ARHGAP10: variants seen among roughly 807,000 people sequenced by gnomAD.
The protein encoded by ARHGAP10 is Rho GTPase activating protein 10.
ARHGAP10 carries 87 observed loss-of-function variants against 108.6 expected under a neutral mutation model. The observed-to-expected ratio is 0.80, with a 90% CI of 0.67 to 0.96. The LOEUF is 0.96. ARHGAP10 is among the 40% of genes least tolerant of loss of function. The pLI is 0.00. For synonymous variants in ARHGAP10, 347 were observed against 341.1 expected, an observed-to-expected ratio of 1.02 and a Z score of -0.19; for missense variants, 939 against 954.5, an observed-to-expected ratio of 0.98 and a Z score of 0.21.
In ARHGAP10 at chr4:147,966,687, A is replaced by G. The variant is rs1260391035; in HGVS notation, c.1564A>G (p.Asn522Asp). ...CCCCCTTACCAATTTCAGTGTTTCA[A>G]ATCACTCCAAGCAGAACCTGATGAC... ...ILVKHLTNVS[N>D]HSKQNLMTVA... is the part of the protein sequence containing the mutation. The change falls in exon 18 of 23, where the codon AAT becomes GAT. Residue 522 changes from asparagine to aspartate, a missense_variant. Physicochemically the swap from Asn to Asp is conservative, Grantham distance 23. Transcript: ENST00000336498. 5 of 1,563,312 alleles carry G rather than the reference A, an allele frequency of 3.2e-6. No homozygotes were observed. The highest frequency in any genetic ancestry group is 1.4e-5 in the African/African-American group (1 of 73,852).
chr4:147,873,681 A>AACACACACACACAC (rs67852364), intron 7 of ARHGAP10, among the ~76,000 whole-genome samples: 11,567 of 98,546 alleles, frequency 0.12, 1,041 homozygotes, highest in Non-Finnish European at 0.13. Flanking sequence ...CAAAAAACAA[A>AACACACACACACAC]ACACACACAC....
At chr4:147,811,213 G>T (rs1040884625) in intron 1 of ARHGAP10, among the ~76,000 whole-genome samples, 5 of 152,216 alleles carry the variant, frequency 3.3e-5, no homozygotes, top group Admixed American at 1.3e-4. Flanking sequence ...AGTCAGACTG[G>T]TAAGTGCGGG....
chr4:147,938,399 T>A (rs1474765355), intron 13 of ARHGAP10, among the ~76,000 whole-genome samples: 1 of 152,118 alleles, frequency 6.6e-6, no homozygotes, highest in Admixed American at 6.5e-5. Context: ...CTATAATTTT[T>A]AAAAAAAGCA....
chr4:147,788,048 C>T (rs550744063), intron 1 of ARHGAP10, among the ~76,000 whole-genome samples: 2 of 152,282 alleles, frequency 1.3e-5, no homozygotes, highest in Admixed American at 1.3e-4. Context: ...CGGTTCCTCT[C>T]CACATCTCTT....
intron 13 of ARHGAP10, among the ~76,000 whole-genome samples, chr4:147,930,153 G>A (rs1451635662): frequency 6.6e-6 from 1 of 152,106 alleles, no homozygotes; most frequent in Non-Finnish European, 1.5e-5. Flanking sequence ...CTAGATGAGA[G>A]CTGAATGTTA....
At chr4:147,940,265 T>A (rs2126962200) in intron 14 of ARHGAP10, among the ~76,000 whole-genome samples, 1 of 152,304 alleles carries the variant, frequency 6.6e-6, no homozygotes, top group Non-Finnish European at 1.5e-5. Flanking sequence ...ACTCGCTCAT[T>A]TTTATGGAGC....
chr4:147,888,895 C>T (rs1735679193), intron 10 of ARHGAP10, among the ~76,000 whole-genome samples: 1 of 152,140 alleles, frequency 6.6e-6, no homozygotes, highest in Non-Finnish European at 1.5e-5. Flanking sequence ...GAGATAGGCT[C>T]TTCTCTTGTC....
chr4:147,984,999 A>T (rs1270168860), intron 18 of ARHGAP10, among the ~76,000 whole-genome samples: 1 of 152,182 alleles, frequency 6.6e-6, no homozygotes, highest in South Asian at 2.1e-4. Context: ...TACTAGGCAC[A>T]TAGAGATGTG....
At chr4:147,765,954 T>C (rs1729792547) in intron 1 of ARHGAP10, among the ~76,000 whole-genome samples, 1 of 152,122 alleles carries the variant, frequency 6.6e-6, no homozygotes, top group Non-Finnish European at 1.5e-5. Context: ...ACCCCTTGAA[T>C]ACCCAAATCT....
intron 18 of ARHGAP10, among the ~76,000 whole-genome samples, chr4:147,997,181 A>C (rs1740509228): frequency 6.6e-6 from 1 of 152,258 alleles, no homozygotes. Flanking sequence ...TGTCCACTTA[A>C]AATATTTGTG....
chr4:148,069,266 G>A (rs1396452892), intron 22 of ARHGAP10, among the ~76,000 whole-genome samples: 1 of 152,132 alleles, frequency 6.6e-6, no homozygotes, highest in Non-Finnish European at 1.5e-5. Flanking sequence ...CCAGACCCTT[G>A]TAGCCCACCT....
At position 147,968,309 on chromosome 4, in the gene ARHGAP10, G is replaced by A. The variant is rs527304026; in HGVS notation, c.1716+1470G>A. 3.9e-5 allele frequency among the ~76,000 whole-genome samples: 6 copies of A among 152,280 alleles called. No homozygotes were observed. In the East Asian group the frequency reaches 1.2e-3, roughly 29 times the overall value. On this transcript the variant is annotated intron_variant, in intron 18 of 22. Transcript: ENST00000336498. The stretch of plus-strand genomic sequence containing the variant: ...TCCACTTATTAAGAAAAATGCTGCT[G>A]ACTCATAGTTAAAAGTGTACCTTTA...
intron 12 of ARHGAP10, among the ~76,000 whole-genome samples, chr4:147,911,259 T>C (rs1356760149): frequency 6.6e-6 from 1 of 152,210 alleles, no homozygotes; most frequent in African/African-American, 2.4e-5. Flanking sequence ...GTATGAAGTT[T>C]ATATTCATGG....
chr4:147,838,583 G>C (rs1733268394), intron 3 of ARHGAP10, among the ~76,000 whole-genome samples: 1 of 152,038 alleles, frequency 6.6e-6, no homozygotes, highest in Non-Finnish European at 1.5e-5. Context: ...GCTTGGGCTG[G>C]AGTGCAGTGG....
intron 17 of ARHGAP10, among the ~76,000 whole-genome samples, chr4:147,965,524 TTCC>T (rs946802684): frequency 6.6e-6 from 1 of 152,262 alleles, no homozygotes; most frequent in African/African-American, 2.4e-5. Context: ...TCATTCCCTT[TTCC>T]TCCTCCTTTT....
At chr4:148,063,845 A>C (rs189460101) in intron 21 of ARHGAP10, among the ~76,000 whole-genome samples, 1 of 152,320 alleles carries the variant, frequency 6.6e-6, no homozygotes, top group East Asian at 1.9e-4. Flanking sequence ...ATGAACGGAC[A>C]CAGAGGTTGC....
chr4:148,014,567 C>A (rs989915968), intron 18 of ARHGAP10, among the ~76,000 whole-genome samples: 8 of 152,184 alleles, frequency 5.3e-5, no homozygotes, highest in African/African-American at 1.4e-4. Context: ...AGCGTATTAT[C>A]AAAGTTATTA....
intron 1 of ARHGAP10, among the ~76,000 whole-genome samples, chr4:147,819,097 C>A (rs912759407): frequency 1.3e-5 from 2 of 152,204 alleles, no homozygotes; most frequent in Non-Finnish European, 1.5e-5. Flanking sequence ...TAATCTGTTA[C>A]AAACATTTTC....
In ARHGAP10 at chr4:147,878,329, T is replaced by G. The variant is rs561177537; in HGVS notation, c.833-903T>G. Among the ~76,000 whole-genome samples the G allele has an allele frequency of 7.9e-5, 12 of 152,300 alleles. No homozygotes were observed. The South Asian group carries it at 2.1e-3, about 26-fold the overall frequency. On this transcript the variant is annotated intron_variant, in intron 8 of 22. Transcript: ENST00000336498. ...CCAGGATGGTCTCCATCTCCTGACT[T>G]CGTGATCCACCCGCCTTGGCCTCCC...
Sources: gnomAD v4.1 joint callset for allele counts (sites outside exome capture counted in the v4.1 genomes callset) on GRCh38, gnomAD v4.1.1 for gene constraint, MANE v1.5 for transcripts, NCBI Gene and HGNC (gene_info 2026-07-23, HGNC 2026-07-21) for gene names.